MUS81: variants seen among roughly 807,000 people sequenced by gnomAD.
MUS81 encodes structure-specific endonuclease subunit MUS81.
MUS81 carries 69 observed loss-of-function variants against 74.2 expected under a neutral mutation model. The ratio of observed to expected loss-of-function variants is 0.93; its 90% confidence interval spans 0.77 to 1.14. The LOEUF is 1.14. MUS81 is among the 50% of genes most tolerant of loss of function. The pLI, the probability that MUS81 is intolerant of heterozygous loss-of-function variation, is 0.00. For missense variants in MUS81, 711 were observed against 726.5 expected (o/e 0.98, Z 0.25); for synonymous variants, 303 against 300.6 (o/e 1.01, Z -0.08).
rs112435353 is a variant in MUS81 at position 65,865,407 on chromosome 11, G to C, written c.1505+84G>C. The C allele has an allele frequency of 1.5e-5, 20 of 1,375,376 alleles. No individual in the cohort carries two copies. In the African/African-American group the frequency reaches 1.6e-4, roughly 11 times the overall value. 85.2% of individuals were successfully genotyped at this position (1,375,376 alleles called of 1,614,324 possible). ...CCTTAATCCATGCTTCGTGGAGGGG[G>C]CCTGGCCTTGTGTGGGCTCTGCAGA... On this transcript the variant is annotated intron_variant, in intron 14 of 15. Coordinates refer to ENST00000308110, the MANE Select transcript of MUS81 (RefSeq NM_025128.5).
At chr11:65,864,476 C>T (rs997766950) in intron 10 of MUS81, 21 bp from the exon 11 acceptor site, 2 of 1,602,150 alleles carry the variant, frequency 1.2e-6, no homozygotes, top group Non-Finnish European at 8.6e-7. Flanking sequence ...CCCTCCCTGT[C>T]CACTCTGTAC....
At position 65,862,446 on chromosome 11, in the gene MUS81, A is replaced by G. The variant is rs763621176; in HGVS notation, c.522A>G (p.Val174=). The G allele has an allele frequency of 2.5e-6, 4 of 1,613,276 alleles. No homozygotes were observed. In the South Asian group the frequency reaches 4.4e-5, roughly 18 times the overall value. Residue 174 remains valine (V), a splice_region_variant and synonymous_variant, in exon 6 of 16, where the codon GTA becomes GTG. Transcript: ENST00000308110. ...LQRCAQKSPR[V]APGSARPWPA... ...AGGGTCTCTTTTCTGATCCACAGGT[A>G]GCCCCTGGGAGTGCTCGACCCTGGC...
rs1859784794 is a variant in MUS81, at chr11:65,865,290, C to G, written c.1472C>G (p.Ala491Gly). The G allele has an allele frequency of 6.2e-7, 1 of 1,614,022 alleles. No homozygotes were observed. Among genetic ancestry groups the G allele is most frequent in the African/African-American group, 1.3e-5 (1 of 74,944 alleles). Residue 491 changes from alanine (A) to glycine (G), a missense_variant, in exon 14 of 16, where the codon GCA (alanine) becomes GGA (glycine). Physicochemically the swap from Ala to Gly is moderately conservative, Grantham distance 60 (BLOSUM62 0). Transcript: ENST00000308110. ...QVRGVSGEKA[A>G]ALVDRYSTPA... ...CGCGGAGTGAGTGGGGAGAAGGCAG[C>G]AGCCCTGGTGGATCGATACAGCACC...
In MUS81 at chr11:65,864,597, C is replaced by A. The variant is rs776855811; in HGVS notation, c.1160C>A (p.Ala387Asp). ...CTTCCTGAGAGCACACTGCTGCAGGCTGTCACCAACACTCAGGTGAGCTGG... is the reference window on the plus strand; with the variant it reads ...CTTCCTGAGAGCACACTGCTGCAGGATGTCACCAACACTCAGGTGAGCTGG... The part of the protein sequence containing the change: ...LSLPESTLLQ[A>D]VTNTQVIDGF... The change falls in exon 11 of 16, where the codon GCT becomes GAT. Residue 387 changes from alanine (A) to aspartate (D), a missense_variant. Ala to Asp is a moderately radical substitution (Grantham distance 126). Coordinates refer to ENST00000308110, the MANE Select transcript of MUS81 (RefSeq NM_025128.5). 3 of 1,613,976 alleles carry A rather than the reference C, an allele frequency of 1.9e-6. No individual in the cohort carries two copies. The highest frequency in any genetic ancestry group is 2.5e-6 in the Non-Finnish European group (3 of 1,179,998).
chr11:65,866,186 G>C lies in MUS81; in HGVS notation c.*134G>C. ...ATATGTGTCATGTAGAAGATGCCTAGCCCTGGGGACCTTGTGAAATACGCA... is the reference window on the plus strand; with the variant it reads ...ATATGTGTCATGTAGAAGATGCCTACCCCTGGGGACCTTGTGAAATACGCA... On this transcript the variant is annotated 3_prime_UTR_variant, in exon 16 of 16. Coordinates refer to ENST00000308110, the MANE Select transcript of MUS81 (RefSeq NM_025128.5). The C allele has an allele frequency of 1.2e-6, 1 of 843,848 alleles. No individual in the cohort carries two copies. The highest frequency in any genetic ancestry group is 1.8e-6 in the Non-Finnish European group (1 of 551,162). The allele number at this position is 843,848 out of a possible 1,614,324, so 52.3% of individuals were successfully genotyped here. A position where few individuals can be genotyped will look rare whatever the true frequency, so the allele number is the denominator to read the frequency against.
chr11:65,865,585 T>TA (rs1380908461), intron 14 of MUS81: 1 of 628,242 alleles, frequency 1.6e-6, no homozygotes, highest in African/African-American at 1.8e-5. Context: ...GTTGGGCCAT[T>TA]AAGGGGAGTG....
upstream of MUS81, chr11:65,860,210 C>T (rs1025106876): frequency 1.5e-5 from 7 of 454,616 alleles, no homozygotes; most frequent in Middle Eastern, 6.6e-4. Flanking sequence ...ACGTTTGCAC[C>T]CGTTTGTCTC....
Position 65,865,837 on chromosome 11 carries a change from C to T in MUS81, c.1532C>T (p.Ala511Val), listed in dbSNP as rs867792124. Reference sequence around the variant, plus strand: ...CTCCTGGCCGCCTATGATGCCTGTGCCACCCCCAAGGAACAAGAGACACTG... The same window carrying T: ...CTCCTGGCCGCCTATGATGCCTGTGTCACCCCCAAGGAACAAGAGACACTG... ...ASLLAAYDAC[A>V]TPKEQETLLS... Residue 511 changes from alanine (A) to valine (V), a missense_variant, in exon 15 of 16, where the codon GCC becomes GTC. Physicochemically the swap from Ala to Val is moderately conservative, Grantham distance 64. Transcript: ENST00000308110. The T allele has an allele frequency of 3.1e-6, 5 of 1,614,010 alleles. No individual in the cohort carries two copies. The highest frequency in any genetic ancestry group is 1.7e-4 in the Middle Eastern group (1 of 6,008).
intron 14 of MUS81, 90 bp downstream of exon 14, chr11:65,865,413 C>A: frequency 7.6e-7 from 1 of 1,317,332 alleles, no homozygotes; most frequent in South Asian, 1.4e-5. Flanking sequence ...GGGGGCCTGG[C>A]CTTGTGTGGG....
At position 65,863,410 on chromosome 11, in the gene MUS81, T is replaced by C; in HGVS notation, c.747T>C (p.Leu249=). The C allele has an allele frequency of 3.7e-6, 6 of 1,613,968 alleles. No homozygotes were observed. The highest frequency in any genetic ancestry group is 5.1e-6 in the Non-Finnish European group (6 of 1,179,964). Residue 249 remains leucine, a splice_region_variant and synonymous_variant, in exon 8 of 16, where the codon CTT becomes CTC. Coordinates refer to ENST00000308110, the MANE Select transcript of MUS81 (RefSeq NM_025128.5). ...TCACATACCAACACCCCCCACTTAG[T>C]GCCAGTGAAGCAGGGGTCCAGCAGC... ...TAVPGAASAE[L]ASEAGVQQQP...
Position 65,865,607 on chromosome 11 carries a change from T to C in MUS81, c.1506-204T>C, listed in dbSNP as rs1249599614. ...CATTAAGGGGAGTGAGGGTGAAGGT[T>C]TGGAGCCTTTGCTGGTTTTGCCCCA... On this transcript the variant is annotated intron_variant, in intron 14 of 15. Coordinates refer to ENST00000308110, the MANE Select transcript of MUS81 (RefSeq NM_025128.5). 58 of 641,338 alleles carry C rather than the reference T, an allele frequency of 9.0e-5. 1 individual carries two copies. The South Asian group carries it at 1.0e-3, about 12-fold the overall frequency. The allele number at this position is 641,338 out of a possible 1,614,324, so 39.7% of individuals were successfully genotyped here.
At chr11:65,862,116 C>T (rs1859630667) in intron 4 of MUS81, 71 bp downstream of exon 4, 1 of 1,582,896 alleles carries the variant, frequency 6.3e-7, no homozygotes. Context: ...GGGCCTGGCC[C>T]AGGCAGGGCA....
In MUS81 at chr11:65,864,482, T is replaced by C; in HGVS notation, c.1060-15T>C. ...CCAGCCTGACCCTCCCTGTCCACTC[T>C]GTACACTTCCCTAGTTCCGGCTGAA... On this transcript the variant is annotated splice_polypyrimidine_tract_variant and intron_variant, in intron 10 of 15. Transcript: ENST00000308110. 6.2e-7 allele frequency: 1 copy of C among 1,609,964 alleles called. No homozygotes were observed. Among genetic ancestry groups the C allele is most frequent in the South Asian group, 1.1e-5 (1 of 90,988 alleles).
At chr11:65,862,568 A>G in intron 6 of MUS81, 39 bp downstream of exon 6, 2 of 1,583,948 alleles carry the variant, frequency 1.3e-6, no homozygotes, top group Non-Finnish European at 1.7e-6. Context: ...AGCATGAGTG[A>G]ACTTCTTAGT....
rs977866025 is a variant in MUS81, at chr11:65,860,461, G to T, written c.-293G>T. 1 of 538,124 alleles carries T rather than the reference G, an allele frequency of 1.9e-6. No homozygotes were observed. The highest frequency in any genetic ancestry group is 4.9e-4 in the Middle Eastern group (1 of 2,034). The allele number at this position is 538,124 out of a possible 1,614,324, so 33.3% of individuals were successfully genotyped here. ...AGGAAGGAGCCGGTCCAGGCTCCGG[G>T]GGCTGGGAAAGGGCGCGTCTCAAAG... On this transcript the variant is annotated 5_prime_UTR_variant, in exon 1 of 16. Coordinates refer to ENST00000308110, the MANE Select transcript of MUS81 (RefSeq NM_025128.5).
Position 65,862,516 on chromosome 11 carries a change from C to T in MUS81, c.592C>T (p.His198Tyr). ...TCACAGGAACCTGGTCCTCAGGACA[C>T]ACCAGCCAGCCAGGTGGGGCCAACT... The part of the protein sequence containing the change: ...LLHRNLVLRT[H>Y]QPARYSLTPE... Residue 198 changes from histidine to tyrosine, a missense_variant, in exon 6 of 16, where the codon CAC (histidine) becomes TAC (tyrosine). Transcript: ENST00000308110. 1 of 1,613,616 alleles carries T rather than the reference C, an allele frequency of 6.2e-7. No individual in the cohort carries two copies. The highest frequency in any genetic ancestry group is 1.3e-5 in the African/African-American group (1 of 75,054).
upstream of MUS81, chr11:65,859,993 T>G (rs1214076144): frequency 4.0e-6 from 1 of 252,732 alleles, no homozygotes; most frequent in African/African-American, 2.2e-5. Flanking sequence ...CTTACAGTCC[T>G]CCTTCCTCTA....
At chr11:65,865,496 CAT>C (rs1859795370) in intron 14 of MUS81, 173 bp downstream of exon 14, 1 of 698,046 alleles carries the variant, frequency 1.4e-6, no homozygotes. Context: ...AGCAGGCCCA[CAT>C]AGTGTCCCAG....
Position 65,865,842 on chromosome 11 carries a change from C to G in MUS81, c.1537C>G (p.Pro513Ala). The change falls in exon 15 of 16, where the codon CCC becomes GCC. Residue 513 changes from proline (P) to alanine (A), a missense_variant. Pro to Ala is a conservative substitution (Grantham distance 27). Transcript: ENST00000308110. ...GGCCGCCTATGATGCCTGTGCCACC[C>G]CCAAGGAACAAGAGACACTGCTGAG... ...LLAAYDACAT[P>A]KEQETLLSTI... 10 of 1,614,112 alleles carry G rather than the reference C, an allele frequency of 6.2e-6. No individual in the cohort carries two copies. The highest frequency in any genetic ancestry group is 8.5e-6 in the Non-Finnish European group (10 of 1,180,008).
Sources: gnomAD v4.1 joint callset for allele counts on GRCh38, gnomAD v4.1.1 for gene constraint, MANE v1.5 for transcripts, NCBI Gene and HGNC (gene_info 2026-07-23, HGNC 2026-07-21) for gene names.